Variants in GLB1L3 observed in about 807,000 individuals in gnomAD.
GLB1L3 encodes the protein beta-galactosidase-1-like protein 3.
In GLB1L3, 89 loss-of-function variants were observed where a neutral mutation model predicts 89.5. The ratio of observed to expected loss-of-function variants is 0.99; its 90% CI spans 0.84 to 1.19. The LOEUF (loss-of-function observed/expected upper bound fraction) is 1.19, where lower values mean the gene tolerates loss of function less well. Ranked by LOEUF, GLB1L3 falls within the 50% of genes most tolerant of loss-of-function variation. GLB1L3 has a pLI of 0.00. For missense variants in GLB1L3, 812 were observed against 813.3 expected (o/e 1.00, Z 0.02); for synonymous variants, 314 against 312.3 (o/e 1.01, Z -0.06).
chr11:134,314,641 A>G (rs1439995850), intron 18 of GLB1L3, among the ~76,000 whole-genome samples, 200 bp downstream of exon 18: 1 of 152,222 alleles, frequency 6.6e-6, no homozygotes, highest in Non-Finnish European at 1.5e-5. Context: ...AAGCACAATT[A>G]AAAATTCAAA....
Position 134,316,214 on chromosome 11 carries a change from T to C in GLB1L3, c.1779+1773T>C, listed in dbSNP as rs1314036171. On this transcript the variant is annotated intron_variant, in intron 18 of 19. Coordinates refer to ENST00000431683, the MANE Select transcript of GLB1L3 (RefSeq NM_001080407.3). ...GGAAATGACTCCCATACCTTTTTTTTTTTTACACGTAGAATAAGAATAAAT... is the reference window on the plus strand; with the variant it reads ...GGAAATGACTCCCATACCTTTTTTTCTTTTACACGTAGAATAAGAATAAAT... Among the ~76,000 whole-genome samples, 6 of 152,232 alleles carry C rather than the reference T, an allele frequency of 3.9e-5. No individual in the cohort carries two copies. In the East Asian group the frequency reaches 1.2e-3, roughly 29 times the overall value.
At chr11:134,290,566 C>T (rs1482135427) in intron 7 of GLB1L3, among the ~76,000 whole-genome samples, 2 of 127,904 alleles carry the variant, frequency 1.6e-5, no homozygotes, top group Admixed American at 8.5e-5. Context: ...GAGTGAGACT[C>T]GTCCCCCCCC....
intron 13 of GLB1L3, 37 bp downstream of exon 13, chr11:134,311,207 T>C (rs1144218): frequency 0.45 from 655,426 of 1,462,764 alleles, 152,795 homozygotes; most frequent in Non-Finnish European, 0.48. Flanking sequence ...GGAGTGGCCA[T>C]TGGAGGGATG....
intron 10 of GLB1L3, among the ~76,000 whole-genome samples, chr11:134,308,326 CCAT>C (rs1942394479): frequency 7.3e-5 from 4 of 54,648 alleles, no homozygotes; most frequent in Admixed American, 1.4e-4. Context: ...ACCACCATCA[CCAT>C]CACCATCACC....
intron 9 of GLB1L3, among the ~76,000 whole-genome samples, chr11:134,293,428 A>G (rs1941468561): frequency 6.6e-6 from 1 of 151,922 alleles, no homozygotes; most frequent in Non-Finnish European, 1.5e-5. Flanking sequence ...CGTCATGGAG[A>G]TGAGTGGGAA....
At chr11:134,312,553 G>T in intron 14 of GLB1L3, 64 bp downstream of exon 14, 1 of 1,576,994 alleles carries the variant, frequency 6.3e-7, no homozygotes, top group South Asian at 1.1e-5. Context: ...TGTCGGGCAG[G>T]GTAGTTGACT....
chr11:134,282,457 C>T lies in GLB1L3; in HGVS notation c.527+337C>T, dbSNP rs1181400355. 1.2e-4 allele frequency among the ~76,000 whole-genome samples: 18 copies of T among 152,170 alleles called. No homozygotes were observed. In the East Asian group the frequency reaches 3.3e-3, roughly 28 times the overall value. On this transcript the variant is annotated intron_variant, in intron 5 of 19. Coordinates refer to ENST00000431683, the MANE Select transcript of GLB1L3 (RefSeq NM_001080407.3). ...TTCCCCATGCAGGAGGGGCTGTAGC[C>T]TCCTCTGTCCTTCTCAAAATGCCCT...
chr11:134,292,271 C>G (rs1328690307), intron 8 of GLB1L3, 58 bp downstream of exon 8: 1 of 1,260,764 alleles, frequency 7.9e-7, no homozygotes, highest in Middle Eastern at 2.1e-4. Flanking sequence ...CCGTGTAAAT[C>G]TTGAACACAC....
In GLB1L3 at chr11:134,314,047, C is replaced by T. The variant is rs1321662804; in HGVS notation, c.1667+19C>T. On this transcript the variant is annotated intron_variant, in intron 17 of 19. Coordinates refer to ENST00000431683, the MANE Select transcript of GLB1L3 (RefSeq NM_001080407.3). ...TTGAGAGGTATGCTCCAGCTGGCCC[C>T]CAGTGCACACTTCAGTGATCGGGGA... 4.0e-6 allele frequency: 6 copies of T among 1,489,658 alleles called. No homozygotes were observed. The highest frequency in any genetic ancestry group is 2.8e-5 in the African/African-American group (2 of 72,518). 92.3% of individuals were successfully genotyped at this position (1,489,658 alleles called of 1,614,324 possible).
downstream of GLB1L3, among the ~76,000 whole-genome samples, chr11:134,322,284 C>T (rs960593103): frequency 6.6e-6 from 1 of 152,112 alleles, no homozygotes; most frequent in African/African-American, 2.4e-5. Flanking sequence ...TTGTTTTTGT[C>T]TGAAAATGTA....
intron 9 of GLB1L3, among the ~76,000 whole-genome samples, chr11:134,293,421 C>A (rs551260415): frequency 6.6e-6 from 1 of 152,154 alleles, no homozygotes; most frequent in Non-Finnish European, 1.5e-5. Flanking sequence ...TGGATCACGT[C>A]ATGGAGATGA....
At chr11:134,298,144 A>G (rs1941756977) in intron 9 of GLB1L3, among the ~76,000 whole-genome samples, 1 of 151,814 alleles carries the variant, frequency 6.6e-6, no homozygotes, top group Non-Finnish European at 1.5e-5. Context: ...TTTGAGTGTA[A>G]TATGCCTAGA....
In GLB1L3 at chr11:134,276,482, G is replaced by C. The variant is rs1940375067; in HGVS notation, c.-259G>C. The C allele has an allele frequency of 2.7e-6, 1 of 365,680 alleles. No individual in the cohort carries two copies. The highest frequency in any genetic ancestry group is 4.1e-5 in the East Asian group (1 of 24,578). 22.7% of individuals were successfully genotyped at this position (365,680 alleles called of 1,614,324 possible). On this transcript the variant is annotated 5_prime_UTR_variant, in exon 1 of 20. Coordinates refer to ENST00000431683, the MANE Select transcript of GLB1L3 (RefSeq NM_001080407.3). ...CCTCCGAGGGCAGAGAGGCGTCCGC[G>C]CCCGGACGCACTGCGGGAACACCTG...
chr11:134,308,217 T>TCACCACCAC (rs1565412423), intron 10 of GLB1L3, among the ~76,000 whole-genome samples: 2 of 31,504 alleles, frequency 6.3e-5, no homozygotes, highest in Non-Finnish European at 1.2e-4. Flanking sequence ...ACCACCACCA[T>TCACCACCAC]CACCATCACC....
At chr11:134,290,151 G>A (rs1034396567) in intron 7 of GLB1L3, among the ~76,000 whole-genome samples, 6 of 152,178 alleles carry the variant, frequency 3.9e-5, no homozygotes, top group African/African-American at 1.4e-4. Context: ...ACGCGTGGCT[G>A]CCCTGCATCG....
At chr11:134,296,836 TATA>T (rs371941998) in intron 9 of GLB1L3, among the ~76,000 whole-genome samples, 1,694 of 142,380 alleles carry the variant, frequency 0.012, 25 homozygotes, top group African/African-American at 0.04. Flanking sequence ...AAACTTAAAG[TATA>T]ATAATAATAA....
At chr11:134,298,698 C>T (rs1055888799) in intron 9 of GLB1L3, among the ~76,000 whole-genome samples, 4 of 152,130 alleles carry the variant, frequency 2.6e-5, no homozygotes, top group Admixed American at 2.0e-4. Flanking sequence ...TGATAAGTGC[C>T]TTTCCCCTTC....
At chr11:134,313,606 A>G in intron 16 of GLB1L3, 132 bp downstream of exon 16, 1 of 802,824 alleles carries the variant, frequency 1.2e-6, no homozygotes, top group Non-Finnish European at 2.0e-6. Context: ...GGGAGCAGAG[A>G]TGCAAAATCG....
At chr11:134,298,471 T>A (rs1005648188) in intron 9 of GLB1L3, among the ~76,000 whole-genome samples, 13 of 152,186 alleles carry the variant, frequency 8.5e-5, no homozygotes, top group African/African-American at 3.1e-4. Context: ...ACATTACTGA[T>A]ATGGTTTGGC....
Sources: gnomAD v4.1 joint callset for allele counts (sites outside exome capture counted in the v4.1 genomes callset) on GRCh38, gnomAD v4.1.1 for gene constraint, MANE v1.5 for transcripts, NCBI Gene and HGNC (gene_info 2026-07-23, HGNC 2026-07-21) for gene names.